Variants in KRT79 observed in about 807,000 individuals in gnomAD.
KRT79 encodes keratin 79, also known as keratin, type II cytoskeletal 79.
A neutral mutation model predicts 49.0 loss-of-function variants in KRT79; 51 were observed. The observed-to-expected ratio is 1.04, with a 90% CI of 0.83 to 1.31. The LOEUF is 1.31. KRT79 is among the 40% of genes most tolerant of loss of function. KRT79 has a pLI of 0.00. For synonymous variants in KRT79, 312 were observed against 286.6 expected (o/e 1.09, Z -0.90); for missense variants, 728 against 688.0 (o/e 1.06, Z -0.65).
intron 4 of KRT79, among the ~76,000 whole-genome samples, chr12:52,827,748 G>C (rs1565691322): frequency 6.6e-6 from 1 of 152,184 alleles, no homozygotes; most frequent in Non-Finnish European, 1.5e-5. Context: ...TCCAGGAAAG[G>C]CCAATCGCTC....
At chr12:52,825,892 T>C (rs1392663623) in intron 4 of KRT79, among the ~76,000 whole-genome samples, 1 of 152,080 alleles carries the variant, frequency 6.6e-6, no homozygotes, top group Admixed American at 6.5e-5. Flanking sequence ...TTTCTTCCTG[T>C]GGTGGTTGTG....
chr12:52,822,673 C>G (rs1196568528), intron 7 of KRT79, among the ~76,000 whole-genome samples: 6 of 152,310 alleles, frequency 3.9e-5, no homozygotes, highest in Non-Finnish European at 8.8e-5. Flanking sequence ...CACGACCAGA[C>G]AGAGCTGCCT....
chr12:52,831,100 G>A (rs1165237784), intron 2 of KRT79, among the ~76,000 whole-genome samples: 1 of 152,190 alleles, frequency 6.6e-6, no homozygotes, highest in Non-Finnish European at 1.5e-5. Context: ...ACGGGAAGAA[G>A]GGAAGTGGGG....
At position 52,823,917 on chromosome 12, in the gene KRT79, C is replaced by A. The variant is rs10876354; in HGVS notation, c.1116G>T (p.Leu372=). 823,195 of 1,613,220 alleles carry A rather than the reference C, an allele frequency of 0.51. 213,016 individuals are homozygous for A. Among genetic ancestry groups the A allele is most frequent in the South Asian group, 0.63 (57,587 of 91,014 alleles). The change falls in exon 6 of 9, where the codon CTG becomes CTT. Residue 372 remains leucine, a synonymous_variant. Coordinates refer to ENST00000330553, the MANE Select transcript of KRT79 (RefSeq NM_175834.3). ...TCTTGGCTGCATCAGCCTCCCCCTG[C>A]AGCCTCTGGATAGTGCGGGTGAGCT... is the stretch of plus-strand genomic sequence containing the variant. The part of the protein sequence containing the change: ...IAELTRTIQR[L]QGEADAAKKQ...
In KRT79 at chr12:52,830,303, T is replaced by C. The variant is rs762478090; in HGVS notation, c.699-11A>G. On this transcript the variant is annotated splice_polypyrimidine_tract_variant and intron_variant, in intron 2 of 8. Coordinates refer to ENST00000330553, the MANE Select transcript of KRT79 (RefSeq NM_175834.3). ...ATTTCATCCTCGTACCTGTTACACA[T>C]GGGAGACTCAGGCCAGGCTCAGCCT... 6.2e-6 allele frequency: 10 copies of C among 1,613,822 alleles called. No homozygotes were observed. In the African/African-American group the frequency reaches 1.1e-4, roughly 17 times the overall value.
Position 52,834,008 on chromosome 12 carries a change from G to T in KRT79, c.253C>A (p.Leu85Met). ...VAGGALLGRALGGFGFGSRAF... is the reference protein window; with the variant it reads ...VAGGALLGRAMGGFGFGSRAF... ...CTGCTGCCAAAGCCAAAGCCCCCCA[G>T]AGCCCGCCCCAACAAGGCCCCTCCG... is the stretch of plus-strand genomic sequence containing the variant. Residue 85 changes from leucine (L) to methionine (M), a missense_variant, in exon 1 of 9, where the codon CTG (leucine) becomes ATG (methionine). Leu to Met is a conservative substitution (Grantham distance 15). Transcript: ENST00000330553. 6.2e-7 allele frequency: 1 copy of T among 1,612,518 alleles called. No individual in the cohort carries two copies. Among genetic ancestry groups the T allele is most frequent in the Non-Finnish European group, 8.5e-7 (1 of 1,179,242 alleles).
chr12:52,822,006 C>A lies in KRT79; in HGVS notation c.1474G>T (p.Gly492Trp), dbSNP rs192804715. The A allele has an allele frequency of 6.2e-7, 1 of 1,614,252 alleles. No individual in the cohort carries two copies. Among genetic ancestry groups the A allele is most frequent in the African/African-American group, 1.3e-5 (1 of 75,070 alleles). Residue 492 changes from glycine (G) to tryptophan (W), a missense_variant, in exon 9 of 9, where the codon GGG (glycine) becomes TGG (tryptophan). Physicochemically the swap from Gly to Trp is radical, Grantham distance 184 (BLOSUM62 -2). Transcript: ENST00000330553. ...ASFGGGISLG[G>W]SGGATKGGFS... Reference sequence around the variant, plus strand: ...CCACCCTTGGTGGCCCCCCCACTCCCACCCAGGGAGATGCCACCTCCAAAG... The same window carrying A: ...CCACCCTTGGTGGCCCCCCCACTCCAACCCAGGGAGATGCCACCTCCAAAG...
At chr12:52,832,931 A>G (rs1321685723) in intron 1 of KRT79, among the ~76,000 whole-genome samples, 5 of 152,172 alleles carry the variant, frequency 3.3e-5, no homozygotes, top group Admixed American at 1.3e-4. Context: ...ACCTCAGGAG[A>G]AAAGGGATGT....
chr12:52,833,967 CT>C lies in KRT79; in HGVS notation c.293del (p.Gln98ArgfsTer27), dbSNP rs1298407663. On this transcript the variant is annotated frameshift_variant, in exon 1 of 9. Coordinates refer to ENST00000330553, the MANE Select transcript of KRT79 (RefSeq NM_175834.3). LOFTEE classifies it high-confidence loss of function. ...GCCCAAACGTCTGCCTGCCAGCCCC[CT>C]GTCCCATAAATGCCCTGCTGCCAAA... Reference protein sequence around the residue: ...FGFGSRAFMGQGAGRQTFGPA... With the variant: ...FGFGSRAFMGXGAGRQTFGPA... 6.2e-7 allele frequency: 1 copy of C among 1,613,236 alleles called. No individual in the cohort carries two copies. Among genetic ancestry groups the C allele is most frequent in the Non-Finnish European group, 8.5e-7 (1 of 1,179,462 alleles).
chr12:52,823,385 C>G, intron 6 of KRT79, 149 bp from the exon 7 acceptor site: 1 of 710,608 alleles, frequency 1.4e-6, no homozygotes. Context: ...TGAAGAGATG[C>G]TATTACACAA....
chr12:52,822,936 G>C, intron 7 of KRT79, 80 bp downstream of exon 7: 1 of 1,424,940 alleles, frequency 7.0e-7, no homozygotes, highest in Non-Finnish European at 9.6e-7. Context: ...TCCCTCTCTT[G>C]ACCCCGGAGC....
At position 52,824,207 on chromosome 12, in the gene KRT79, GT is replaced by G; in HGVS notation, c.1010del (p.Tyr337SerfsTer10). On this transcript the variant is annotated frameshift_variant, in exon 5 of 9. Coordinates refer to ENST00000330553, the MANE Select transcript of KRT79 (RefSeq NM_175834.3). LOFTEE classifies it high-confidence loss of function. ...QRSRAEAEAW[Y>X]QTKYEELQVT... is the part of the protein sequence containing the mutation. ...CAGCTATGCCTCTCACCTTGGTCTG[GT>G]ACCAGGCCTCGGCCTCAGCCCGGCT... is the stretch of plus-strand genomic sequence containing the variant. The G allele has an allele frequency of 6.2e-7, 1 of 1,614,198 alleles. No homozygotes were observed. The highest frequency in any genetic ancestry group is 1.3e-5 in the African/African-American group (1 of 75,056).
chr12:52,826,285 C>A lies in KRT79; in HGVS notation c.856-1923G>T, dbSNP rs553235825. 3.3e-5 allele frequency among the ~76,000 whole-genome samples: 5 copies of A among 152,202 alleles called. No homozygotes were observed. The South Asian group carries it at 1.0e-3, about 32-fold the overall frequency. On this transcript the variant is annotated intron_variant, in intron 4 of 8. Transcript: ENST00000330553. ...GCTTGGCCAGGTGCAGTGGCTCACA[C>A]CTGTAATCCCAGCATTTTGGGAGTT...
In KRT79 at chr12:52,821,613, C is replaced by CGCCGTGTCATTA; in HGVS notation, c.*258_*259insTAATGACACGGC. 2.0e-6 allele frequency: 1 copy of CGCCGTGTCATTA among 494,336 alleles called. No individual in the cohort carries two copies. The highest frequency in any genetic ancestry group is 3.6e-6 in the Non-Finnish European group (1 of 276,416). 30.6% of individuals were successfully genotyped at this position (494,336 alleles called of 1,614,324 possible). On this transcript the variant is annotated 3_prime_UTR_variant, in exon 9 of 9. Coordinates refer to ENST00000330553, the MANE Select transcript of KRT79 (RefSeq NM_175834.3). ...AGAAATTCAGCCTCCTCTCGGTGGTCAAAAGGTCACCCCCAAGTCACCCAA... is the reference window on the plus strand; with the variant it reads ...AGAAATTCAGCCTCCTCTCGGTGGTCGCCGTGTCATTAAAAAGGTCACCCCCAAGTCACCCAA...
intron 1 of KRT79, among the ~76,000 whole-genome samples, 174 bp downstream of exon 1, chr12:52,833,610 C>T (rs1478387828): frequency 6.6e-6 from 1 of 152,116 alleles, no homozygotes; most frequent in Non-Finnish European, 1.5e-5. Flanking sequence ...GACCTGAAGG[C>T]CGCCTCCAGC....
intron 4 of KRT79, among the ~76,000 whole-genome samples, chr12:52,828,810 A>T (rs1450544185): frequency 6.6e-6 from 1 of 151,786 alleles, no homozygotes; most frequent in East Asian, 1.9e-4. Flanking sequence ...CTCCCTCCCC[A>T]CCCCTCCATC....
intron 1 of KRT79, among the ~76,000 whole-genome samples, chr12:52,833,106 G>A (rs1016185856): frequency 6.6e-6 from 1 of 152,182 alleles, no homozygotes; most frequent in East Asian, 1.9e-4. Context: ...CTGGAGGCAA[G>A]GGCAAGGTTC....
At chr12:52,827,278 T>C (rs1940189378) in intron 4 of KRT79, among the ~76,000 whole-genome samples, 1 of 150,942 alleles carries the variant, frequency 6.6e-6, no homozygotes, top group Non-Finnish European at 1.5e-5. Context: ...ACAGCTCTCA[T>C]CACTTGATAA....
intron 1 of KRT79, among the ~76,000 whole-genome samples, chr12:52,832,524 T>G (rs1434431683): frequency 6.6e-6 from 1 of 150,982 alleles, no homozygotes; most frequent in African/African-American, 2.4e-5. Flanking sequence ...GCTCCCAAGC[T>G]GTGATTCTGC....
Sources: gnomAD v4.1 joint callset for allele counts (sites outside exome capture counted in the v4.1 genomes callset) on GRCh38, gnomAD v4.1.1 for gene constraint, MANE v1.5 for transcripts, NCBI Gene and HGNC (gene_info 2026-07-23, HGNC 2026-07-21) for gene names.